The following MARCHF8 variants were observed in gnomAD, a reference collection of about 807,000 sequenced individuals.
MARCHF8 encodes E3 ubiquitin-protein ligase MARCHF8.
Under a neutral mutation model 51.6 loss-of-function variants are expected in MARCHF8, and 40 were observed. The ratio of observed to expected loss-of-function variants is 0.77; its 90% CI spans 0.60 to 1.01. The LOEUF is 1.01. Among genes scored for constraint, MARCHF8 ranks in the 50% least tolerant of loss-of-function variants. The pLI, the probability that MARCHF8 is intolerant of heterozygous loss-of-function variation, is 0.00. For synonymous variants in MARCHF8, 263 were observed against 280.3 expected, an observed-to-expected ratio of 0.94 and a Z score of 0.62; for missense variants, 685 against 708.6, an observed-to-expected ratio of 0.97 and a Z score of 0.38.
intron 1 of MARCHF8, among the ~76,000 whole-genome samples, chr10:45,562,789 T>C (rs962059183): frequency 6.6e-6 from 1 of 152,038 alleles, no homozygotes; most frequent in African/African-American, 2.4e-5. Flanking sequence ...ATGCTAAAAA[T>C]AATAATAATT....
At chr10:45,516,521 T>C (rs1315175698) in intron 2 of MARCHF8, among the ~76,000 whole-genome samples, 2 of 152,094 alleles carry the variant, frequency 1.3e-5, no homozygotes, top group Non-Finnish European at 2.9e-5. Flanking sequence ...CCCGGCACTT[T>C]GGGAGGCCAA....
rs550480556 is a variant in MARCHF8 at position 45,463,385 on chromosome 10, G to A, written c.854C>T (p.Ala285Val). Residue 285 changes from alanine to valine, a missense_variant, in exon 5 of 8, where the codon GCT becomes GTT. Ala to Val is a moderately conservative substitution (Grantham distance 64). Coordinates refer to ENST00000453424, the MANE Select transcript of MARCHF8 (RefSeq NM_001282866.2). ...GGAGGACTTGGCAGTGTGCAGGCGA[G>A]CAGCGCAGCTCTCCAGCTCATGGAA... The part of the protein sequence containing the change: ...HRFHELESCA[A>V]RLHTAKSSSG... 6.4e-7 allele frequency: 1 copy of A among 1,550,710 alleles called. No individual in the cohort carries two copies. The highest frequency in any genetic ancestry group is 1.4e-5 in the African/African-American group (1 of 73,186).
At chr10:45,552,791 C>CTA (rs1213798473) in intron 1 of MARCHF8, among the ~76,000 whole-genome samples, 1 of 152,192 alleles carries the variant, frequency 6.6e-6, no homozygotes, top group Non-Finnish European at 1.5e-5. Flanking sequence ...CATATTTCTG[C>CTA]TACTACCAGT....
At chr10:45,527,838 T>C (rs2043817174) in intron 2 of MARCHF8, among the ~76,000 whole-genome samples, 1 of 152,092 alleles carries the variant, frequency 6.6e-6, no homozygotes, top group Non-Finnish European at 1.5e-5. Flanking sequence ...TGAACACAGA[T>C]GCAAAAACGC....
chr10:45,512,336 T>A (rs1026298047), intron 2 of MARCHF8, among the ~76,000 whole-genome samples: 5 of 146,704 alleles, frequency 3.4e-5, no homozygotes, highest in Non-Finnish European at 6.0e-5. Flanking sequence ...AGCCACCCCG[T>A]CCGGGAGGGA....
At chr10:45,561,508 C>T (rs2044309983) in intron 1 of MARCHF8, among the ~76,000 whole-genome samples, 1 of 151,504 alleles carries the variant, frequency 6.6e-6, no homozygotes, top group Non-Finnish European at 1.5e-5. Flanking sequence ...CTCCTGACCT[C>T]AGTAATCTGC....
At chr10:45,492,297 CTTT>C (rs1011617258) in intron 2 of MARCHF8, among the ~76,000 whole-genome samples, 4 of 146,742 alleles carry the variant, frequency 2.7e-5, no homozygotes, top group Non-Finnish European at 6.0e-5. Context: ...TCTTCTTCTT[CTTT>C]TTTTTTTTCT....
chr10:45,474,946 T>C (rs554828851), intron 3 of MARCHF8, among the ~76,000 whole-genome samples: 14 of 152,256 alleles, frequency 9.2e-5, no homozygotes, highest in East Asian at 5.8e-4. Flanking sequence ...CGAGAAGGCA[T>C]TGCTCCAGGG....
chr10:45,464,850 G>C (rs12244834), intron 3 of MARCHF8, among the ~76,000 whole-genome samples: 3,642 of 152,260 alleles, frequency 0.024, 134 homozygotes, highest in African/African-American at 0.079. Flanking sequence ...ACACAAAAGG[G>C]AGTCCAGACC....
At chr10:45,470,948 A>G (rs1016446521) in intron 3 of MARCHF8, among the ~76,000 whole-genome samples, 1 of 152,244 alleles carries the variant, frequency 6.6e-6, no homozygotes, top group Non-Finnish European at 1.5e-5. Flanking sequence ...ATGAGCCACA[A>G]TTAAAAGAAA....
chr10:45,484,364 A>G (rs988455626), intron 3 of MARCHF8, among the ~76,000 whole-genome samples: 74 of 152,224 alleles, frequency 4.9e-4, no homozygotes, highest in African/African-American at 1.6e-3. Context: ...GTGGGCCCAC[A>G]TGGTCAAGGA....
intron 1 of MARCHF8, among the ~76,000 whole-genome samples, chr10:45,552,324 A>C (rs571853344): frequency 6.6e-6 from 1 of 150,416 alleles, no homozygotes; most frequent in Admixed American, 6.6e-5. Flanking sequence ...AAAAAAAAAA[A>C]CACTATAAAC....
chr10:45,543,283 T>G (rs985934637), intron 1 of MARCHF8, among the ~76,000 whole-genome samples: 10 of 152,252 alleles, frequency 6.6e-5, no homozygotes, highest in African/African-American at 2.2e-4. Flanking sequence ...AAGTTCCATT[T>G]AACCCTCTCT....
intron 2 of MARCHF8, among the ~76,000 whole-genome samples, chr10:45,531,941 C>G (rs568894295): frequency 6.6e-6 from 1 of 152,272 alleles, no homozygotes; most frequent in East Asian, 1.9e-4. Flanking sequence ...AAACCTGATA[C>G]CACAATTGAG....
At chr10:45,575,167 T>C (rs1192047275) in intron 1 of MARCHF8, among the ~76,000 whole-genome samples, 1 of 152,072 alleles carries the variant, frequency 6.6e-6, no homozygotes, top group Non-Finnish European at 1.5e-5. Flanking sequence ...CATCAAAAAG[T>C]ATCAGATCCC....
chr10:45,586,811 GCTT>G (rs1337479248), intron 1 of MARCHF8, among the ~76,000 whole-genome samples: 2 of 151,770 alleles, frequency 1.3e-5, no homozygotes, highest in Non-Finnish European at 2.9e-5. Flanking sequence ...GAGTTCTCTA[GCTT>G]CTTCTTAATT....
At chr10:45,471,856 G>C (rs896018012) in intron 3 of MARCHF8, among the ~76,000 whole-genome samples, 2 of 152,204 alleles carry the variant, frequency 1.3e-5, no homozygotes, top group Non-Finnish European at 2.9e-5. Flanking sequence ...CAAGACTTCC[G>C]TGTGACTACC....
chr10:45,458,987 C>G, intron 7 of MARCHF8, 133 bp downstream of exon 7: 1 of 1,082,276 alleles, frequency 9.2e-7, no homozygotes, highest in East Asian at 2.6e-5. Flanking sequence ...AAAAAGGAGG[C>G]TAGTGCCTCC....
intron 5 of MARCHF8, chr10:45,461,686 T>G: frequency 3.6e-6 from 1 of 279,766 alleles, no homozygotes; most frequent in Non-Finnish European, 6.6e-6. Flanking sequence ...TGGTAAGAAA[T>G]AAGAACTTCA....
Sources: gnomAD v4.1 joint callset for allele counts (sites outside exome capture counted in the v4.1 genomes callset) on GRCh38, gnomAD v4.1.1 for gene constraint, MANE v1.5 for transcripts, NCBI Gene and HGNC (gene_info 2026-07-23, HGNC 2026-07-21) for gene names.